The following UNC79 variants were observed in gnomAD, a reference collection of about 807,000 sequenced individuals.
UNC79 encodes the protein unc-79 subunit of NALCN channel complex, also known as protein unc-79 homolog.
A neutral mutation model predicts 283.1 loss-of-function variants in UNC79; 37 were observed. The observed-to-expected ratio is 0.13, with a 90% CI of 0.10 to 0.17. The LOEUF (loss-of-function observed/expected upper bound fraction) is 0.17, where lower values mean the gene tolerates loss of function less well. Among genes scored for constraint, UNC79 ranks in the 10% least tolerant of loss-of-function variants. UNC79 has a pLI of 1.00. For missense variants in UNC79, 2,272 were observed against 3,211.1 expected, an observed-to-expected ratio of 0.71 and a Z score of 7.07; for synonymous variants, 1,107 against 1,200.2, an observed-to-expected ratio of 0.92 and a Z score of 1.61.
intron 1 of UNC79, among the ~76,000 whole-genome samples, chr14:93,398,842 G>A (rs753807760): frequency 3.3e-5 from 5 of 152,152 alleles, no homozygotes; most frequent in Non-Finnish European, 7.4e-5. Context: ...AAGGACTGTG[G>A]CATGTACCCA....
At chr14:93,686,070 T>C (rs1471966718) in intron 42 of UNC79, among the ~76,000 whole-genome samples, 1 of 152,232 alleles carries the variant, frequency 6.6e-6, no homozygotes, top group Non-Finnish European at 1.5e-5. Flanking sequence ...AATTTTTGAC[T>C]CTTTCAGCAA....
At chr14:93,666,736 G>A (rs1427176673) in intron 40 of UNC79, among the ~76,000 whole-genome samples, 1 of 152,120 alleles carries the variant, frequency 6.6e-6, no homozygotes, top group Non-Finnish European at 1.5e-5. Flanking sequence ...ATAACAGTGA[G>A]CAAAGTGGAT....
At chr14:93,389,784 T>C (rs554817193) in intron 1 of UNC79, among the ~76,000 whole-genome samples, 3 of 152,220 alleles carry the variant, frequency 2.0e-5, no homozygotes, top group African/African-American at 7.2e-5. Context: ...CCTGAGTAGC[T>C]GGGATTACAG....
At chr14:93,598,780 C>T (rs1363706285) in intron 24 of UNC79, among the ~76,000 whole-genome samples, 1 of 152,214 alleles carries the variant, frequency 6.6e-6, no homozygotes, top group Non-Finnish European at 1.5e-5. Context: ...CCTCGGCCTC[C>T]CAAAGTGCTG....
At chr14:93,668,754 G>C (rs555817817) in intron 40 of UNC79, among the ~76,000 whole-genome samples, 1 of 151,014 alleles carries the variant, frequency 6.6e-6, no homozygotes, top group South Asian at 2.1e-4. Flanking sequence ...TGAGGTGGGA[G>C]AATTGCTTAG....
At chr14:93,340,851 T>C (rs535632066) in intron 1 of UNC79, among the ~76,000 whole-genome samples, 4 of 152,170 alleles carry the variant, frequency 2.6e-5, no homozygotes, top group Non-Finnish European at 5.9e-5. Context: ...TGATTACAGG[T>C]GTGAGCCACC....
At chr14:93,349,423 CCCTCCCCGAGTT>C (rs2053937988) in intron 1 of UNC79, among the ~76,000 whole-genome samples, 1 of 152,140 alleles carries the variant, frequency 6.6e-6, no homozygotes, top group South Asian at 2.1e-4. Context: ...TGTAATAAGT[CCCTCCCCGAGTT>C]CCTCACTAGT....
chr14:93,487,881 T>G lies in UNC79; in HGVS notation c.712+126T>G, dbSNP rs540149492. ...ATAGAGATGTGTAGAAAACAGACTT[T>G]TGAGTTGGAATCAATTTATCTTGCC... On this transcript the variant is annotated intron_variant, in intron 5 of 48. Coordinates refer to ENST00000555664, the Ensembl canonical transcript of UNC79. The G allele has an allele frequency of 1.5e-4, 123 of 816,630 alleles. No individual in the cohort carries two copies. The African/African-American group carries it at 1.9e-3, about 13-fold the overall frequency. 50.6% of individuals were successfully genotyped at this position (816,630 alleles called of 1,614,324 possible).
At chr14:93,634,775 G>C (rs1769225207) in intron 31 of UNC79, 138 bp downstream of exon 34, 3 of 760,414 alleles carry the variant, frequency 3.9e-6, no homozygotes, top group Non-Finnish European at 6.6e-6. Context: ...AACCACCTAA[G>C]GTAATTAGTA....
chr14:93,386,010 T>C (rs2054767396), intron 1 of UNC79, among the ~76,000 whole-genome samples: 1 of 152,188 alleles, frequency 6.6e-6, no homozygotes, highest in Non-Finnish European at 1.5e-5. Flanking sequence ...TAGCACTTTG[T>C]TGAATAACAG....
Position 93,586,917 on chromosome 14 carries a change from T to C in UNC79, c.3032+9T>C. ...CACATGTTGATTGCAAGGTACGTCT[T>C]CCTAATGGTTTGTTTTGATTGTTTA... On this transcript the variant is annotated intron_variant, in intron 22 of 48. Transcript: ENST00000555664. 6.2e-7 allele frequency: 1 copy of C among 1,612,046 alleles called. No homozygotes were observed. Among genetic ancestry groups the C allele is most frequent in the African/African-American group, 1.3e-5 (1 of 75,002 alleles).
intron 1 of UNC79, among the ~76,000 whole-genome samples, chr14:93,363,497 G>C (rs2054266170): frequency 6.6e-6 from 1 of 152,130 alleles, no homozygotes. Context: ...CAAGTGTTGA[G>C]TTTAGGTCCC....
intron 2 of UNC79, among the ~76,000 whole-genome samples, chr14:93,473,633 A>T (rs570887073): frequency 5.9e-5 from 9 of 152,228 alleles, no homozygotes; most frequent in African/African-American, 9.6e-5. Flanking sequence ...TGCAAGTGCC[A>T]TACCTATATT....
chr14:93,657,551 C>A (rs1362977725), intron 38 of UNC79, among the ~76,000 whole-genome samples: 1 of 152,084 alleles, frequency 6.6e-6, no homozygotes, highest in South Asian at 2.1e-4. Flanking sequence ...CGGGGTTTCA[C>A]CATGTTAGCC....
chr14:93,612,810 T>C, exon 27 of UNC79: 2 of 1,613,580 alleles, frequency 1.2e-6, no homozygotes, highest in Non-Finnish European at 1.7e-6. Context: ...AACAATCTCC[T>C]GAGAATGACA....
chr14:93,353,804 A>G (rs1220056718), intron 1 of UNC79, among the ~76,000 whole-genome samples: 1 of 152,226 alleles, frequency 6.6e-6, no homozygotes, highest in Non-Finnish European at 1.5e-5. Context: ...CTGGATATTT[A>G]CTGAAGAACC....
intron 1 of UNC79, among the ~76,000 whole-genome samples, chr14:93,418,955 C>A (rs1224959700): frequency 1.3e-5 from 2 of 151,822 alleles, no homozygotes; most frequent in African/African-American, 4.8e-5. Context: ...AAAGGGAACT[C>A]CCTGACCCCT....
intron 1 of UNC79, among the ~76,000 whole-genome samples, chr14:93,360,763 T>C (rs1322073583): frequency 2.6e-5 from 4 of 152,218 alleles, no homozygotes; most frequent in Admixed American, 2.0e-4. Flanking sequence ...ACTGGACTTA[T>C]TGGTGAGACA....
chr14:93,623,127 G>T (rs559090159), intron 30 of UNC79, among the ~76,000 whole-genome samples: 4 of 152,292 alleles, frequency 2.6e-5, no homozygotes, highest in Admixed American at 2.6e-4. Flanking sequence ...TTCGTATCAG[G>T]ATAATCCAGG....
Sources: allele counts gnomAD v4.1 joint callset (sites outside exome capture counted in the v4.1 genomes callset), GRCh38; gene constraint gnomAD v4.1.1; transcripts MANE v1.5; gene names NCBI Gene and HGNC (gene_info 2026-07-23, HGNC 2026-07-21).